Variants in GLS observed in about 807,000 individuals in gnomAD.
The protein encoded by GLS is glutaminase, also known as glutaminase kidney isoform, mitochondrial.
In GLS, 36 loss-of-function variants were observed where a neutral mutation model predicts 86.7. The ratio of observed to expected loss-of-function variants is 0.42; its 90% CI spans 0.32 to 0.55. The LOEUF is 0.55. Ranked by LOEUF, GLS falls within the 20% of genes least tolerant of loss-of-function variation. The pLI, the probability that GLS is intolerant of heterozygous loss-of-function variation, is 0.17. For missense variants in GLS, 528 were observed against 833.4 expected, an observed-to-expected ratio of 0.63 and a Z score of 4.51; for synonymous variants, 317 against 305.9, an observed-to-expected ratio of 1.04 and a Z score of -0.38.
In GLS at chr2:190,895,151, G is replaced by A. The variant is rs1324705378; in HGVS notation, c.387-1G>A. On this transcript the variant is annotated splice_acceptor_variant, in intron 1 of 17. Coordinates refer to ENST00000320717, the MANE Select transcript of GLS (RefSeq NM_014905.5). LOFTEE classifies it high-confidence loss of function. The surrounding 1 kb of genome is among the most constrained non-coding windows in gnomAD (Gnocchi z 4.2). ...ATTTTGTGTTCTTTCTACCTCTTTA[G>A]TAAAATAAAACAGGGTCTGTTACCT... 1.4e-6 allele frequency: 2 copies of A among 1,382,496 alleles called. No individual in the cohort carries two copies. The highest frequency in any genetic ancestry group is 1.8e-5 in the Admixed American group (1 of 56,862). 85.6% of individuals were successfully genotyped at this position (1,382,496 alleles called of 1,614,324 possible). A position where few individuals can be genotyped will look rare whatever the true frequency, so the allele number is the denominator to read the frequency against.
intron 17 of GLS, among the ~76,000 whole-genome samples, chr2:190,960,267 G>T (rs1690967139): frequency 6.6e-6 from 1 of 151,766 alleles, no homozygotes; most frequent in East Asian, 1.9e-4. Flanking sequence ...TGTATTAGGA[G>T]TTTGGATTCA....
Position 190,951,142 on chromosome 2 carries a change from A to G in GLS, c.1651-2423A>G, listed in dbSNP as rs1690707060. ...AAGATTGGACTGCCTTGGGAGTAGT[A>G]TTTGGCAGTGGAAAGTGGGTAATGA... On this transcript the variant is annotated intron_variant, in intron 14 of 17. Coordinates refer to ENST00000320717, the MANE Select transcript of GLS (RefSeq NM_014905.5). The surrounding 1 kb of genome is among the most constrained non-coding windows in gnomAD (Gnocchi z 4.2). 6.6e-6 allele frequency among the ~76,000 whole-genome samples: 1 copy of G among 152,128 alleles called. No homozygotes were observed. Among genetic ancestry groups the G allele is most frequent in the Non-Finnish European group, 1.5e-5 (1 of 68,030 alleles).
intron 14 of GLS, chr2:190,932,984 C>T: frequency 1.6e-6 from 2 of 1,219,158 alleles, no homozygotes; most frequent in Non-Finnish European, 2.1e-6. Flanking sequence ...GGTGCTGGAG[C>T]CATAAAGCTT....
chr2:190,919,236 A>G (rs1247884129), intron 7 of GLS, among the ~76,000 whole-genome samples: 2 of 152,130 alleles, frequency 1.3e-5, no homozygotes, highest in East Asian at 1.9e-4. Context: ...TGAGTACCCA[A>G]AATGTTATAC....
At chr2:190,915,049 C>G (rs894035833) in intron 7 of GLS, among the ~76,000 whole-genome samples, 2 of 151,294 alleles carry the variant, frequency 1.3e-5, no homozygotes, top group African/African-American at 4.9e-5. Context: ...CGAAGTCTTG[C>G]TTGTCGCCCA....
rs1024922924 is a variant in GLS, at chr2:190,901,381, T to C, written c.736-566T>C. On this transcript the variant is annotated intron_variant, in intron 4 of 17. Transcript: ENST00000320717. ...AAGTGGAAGTGGATCACCATGAAAG[T>C]TTTCATTGTCATCATCTTCATGTTT... Among the ~76,000 whole-genome samples, 6 of 151,944 alleles carry C rather than the reference T, an allele frequency of 3.9e-5. 1 individual carries two copies. The East Asian group carries it at 1.2e-3, about 29-fold the overall frequency.
At chr2:190,902,804 A>G (rs989937048) in intron 5 of GLS, among the ~76,000 whole-genome samples, 1 of 152,146 alleles carries the variant, frequency 6.6e-6, no homozygotes, top group African/African-American at 2.4e-5. Context: ...TTTTTCACTC[A>G]TTTTTAAAGA....
rs1044918088 is a variant in GLS at position 190,953,846 on chromosome 2, A to C, written c.1712+220A>C. On this transcript the variant is annotated intron_variant, in intron 15 of 17. Coordinates refer to ENST00000320717, the MANE Select transcript of GLS (RefSeq NM_014905.5). This position sits in a 1 kb window ranked among gnomAD's most constrained non-coding sequence, Gnocchi z 4.0. ...AAAAAGACCATATCTCTGTTTCCCC[A>C]AGTAGTAACTGTTCAGCTAATCTGG... is the stretch of plus-strand genomic sequence containing the variant. Among the ~76,000 whole-genome samples the C allele has an allele frequency of 2.0e-5, 3 of 152,000 alleles. No individual in the cohort carries two copies. Among genetic ancestry groups the C allele is most frequent in the Non-Finnish European group, 1.5e-5 (1 of 68,010 alleles).
chr2:190,880,897 GCAGCAGCAGCAGCAGCAGCAGCAC>G lies in GLS; in HGVS notation c.-186_-163del, dbSNP rs1035907606. 15 of 690,882 alleles carry G rather than the reference GCAGCAGCAGCAGCAGCAGCAGCAC, an allele frequency of 2.2e-5. No homozygotes were observed. In the African/African-American group the frequency reaches 3.1e-4, roughly 14 times the overall value. The allele number at this position is 690,882 out of a possible 1,614,324, so 42.8% of individuals were successfully genotyped here. ...CGCAGCAGCAGCAGCAGCAGCAGCA[GCAGCAGCAGCAGCAGCAGCAGCAC>G]CCGCATCCGCTGCGGGAGTCCGAGC... On this transcript the variant is annotated 5_prime_UTR_variant, in exon 1 of 18. Transcript: ENST00000320717.
At chr2:190,886,096 C>T (rs1327713038) in intron 1 of GLS, among the ~76,000 whole-genome samples, 3 of 152,110 alleles carry the variant, frequency 2.0e-5, no homozygotes, top group Non-Finnish European at 1.5e-5. Flanking sequence ...TGGTCTCGAC[C>T]TCCTGACCTT....
rs1347261386 is a variant in GLS, at chr2:190,947,752, G to C, written c.1651-5813G>C. ...ACTCAAGTATCCAGTGGGGAAATAG[G>C]GGAATGAGCTTTGATCAATGGTTAG... On this transcript the variant is annotated intron_variant, in intron 14 of 17. Coordinates refer to ENST00000320717, the MANE Select transcript of GLS (RefSeq NM_014905.5). This position sits in a 1 kb window ranked among gnomAD's most constrained non-coding sequence, Gnocchi z 5.0. Among the ~76,000 whole-genome samples the C allele has an allele frequency of 6.6e-6, 1 of 152,120 alleles. No individual in the cohort carries two copies. The highest frequency in any genetic ancestry group is 2.4e-5 in the African/African-American group (1 of 41,414).
At chr2:190,907,855 G>T (rs995535364) in intron 6 of GLS, among the ~76,000 whole-genome samples, 10 of 152,176 alleles carry the variant, frequency 6.6e-5, no homozygotes, top group African/African-American at 2.2e-4. Context: ...TACATAATGG[G>T]AGAAGACATA....
intron 14 of GLS, among the ~76,000 whole-genome samples, chr2:190,941,205 G>C (rs1165845030): frequency 6.6e-6 from 1 of 152,088 alleles, no homozygotes; most frequent in African/African-American, 2.4e-5. Flanking sequence ...AGGGATACAG[G>C]TACTGAATAA....
rs1205042354 is a variant in GLS, at chr2:190,913,334, A to T, written c.1038+3013A>T. ...ACTACTAAGCTTATAGGAAAACTCC[A>T]ATATTTAAAATTTTAAACAAAGCTA... is the stretch of plus-strand genomic sequence containing the variant. On this transcript the variant is annotated intron_variant, in intron 7 of 17. Transcript: ENST00000320717. The surrounding 1 kb of genome is among the most constrained non-coding windows in gnomAD (Gnocchi z 6.1). The T allele has an allele frequency of 1.3e-5, 15 of 1,192,950 alleles. No homozygotes were observed. Among genetic ancestry groups the T allele is most frequent in the Non-Finnish European group, 1.5e-5 (14 of 929,756 alleles). The allele number at this position is 1,192,950 out of a possible 1,614,324, so 73.9% of individuals were successfully genotyped here.
At position 190,921,268 on chromosome 2, in the gene GLS, C is replaced by G. The variant is rs1213958288; in HGVS notation, c.1130+65C>G. 1 of 1,029,676 alleles carries G rather than the reference C, an allele frequency of 9.7e-7. No individual in the cohort carries two copies. Among genetic ancestry groups the G allele is most frequent in the Non-Finnish European group, 1.5e-6 (1 of 652,268 alleles). The allele number at this position is 1,029,676 out of a possible 1,614,324, so 63.8% of individuals were successfully genotyped here. A position where few individuals can be genotyped will look rare whatever the true frequency, so the allele number is the denominator to read the frequency against. ...CAACTGTATTTAGAATTGATCCACT[C>G]TCTTTTCATTGGAGGGAAATGAATG... On this transcript the variant is annotated intron_variant, in intron 9 of 17. Transcript: ENST00000320717. This position sits in a 1 kb window ranked among gnomAD's most constrained non-coding sequence, Gnocchi z 4.2.
rs561261953 is a variant in GLS, at chr2:190,919,164, A to G, written c.1039-1860A>G. 2.4e-4 allele frequency among the ~76,000 whole-genome samples: 36 copies of G among 152,304 alleles called. No homozygotes were observed. In the South Asian group the frequency reaches 6.6e-3, roughly 28 times the overall value. ...TGTGAAACACAATGAAGTGAAGCTC[A>G]ATAAAATGAGGTGTGCCTGTATTTT... On this transcript the variant is annotated intron_variant, in intron 7 of 17. Transcript: ENST00000320717.
intron 7 of GLS, among the ~76,000 whole-genome samples, chr2:190,916,971 A>G (rs1280751638): frequency 6.6e-6 from 1 of 152,174 alleles, no homozygotes; most frequent in East Asian, 1.9e-4. Flanking sequence ...CTTGATGTTG[A>G]TGACTACTGA....
chr2:190,915,999 G>A (rs115010096), intron 7 of GLS, among the ~76,000 whole-genome samples: 197 of 152,244 alleles, frequency 1.3e-3, no homozygotes, highest in Non-Finnish European at 2.4e-3. Flanking sequence ...GAGTAACATT[G>A]CTATAATAAA....
chr2:190,944,235 TGTCTTCTC>T (rs1167702791), intron 14 of GLS, among the ~76,000 whole-genome samples: 9 of 151,974 alleles, frequency 5.9e-5, no homozygotes, highest in African/African-American at 2.2e-4. Context: ...TGGTGATGAA[TGTCTTCTC>T]TTCCTGTCTT....
Sources: allele counts gnomAD v4.1 joint callset (sites outside exome capture counted in the v4.1 genomes callset), GRCh38; gene constraint gnomAD v4.1.1; non-coding constraint Gnocchi (gnomAD v3.1); transcripts MANE v1.5; gene names NCBI Gene and HGNC (gene_info 2026-07-23, HGNC 2026-07-21).